RMST: variants seen among roughly 807,000 people sequenced by gnomAD.
The protein encoded by RMST is rhabdomyosarcoma 2 associated transcript, also known as long intergenic non-protein coding RNA 54.
At chr12:97,530,719 C>T (rs1881547415) in exon 11 of RMST, 1 of 152,082 alleles carries the variant, frequency 6.6e-6, no homozygotes, top group Non-Finnish European at 1.5e-5. Flanking sequence ...ACTACATCTG[C>T]AAAGTTTAAT....
intron 11 of RMST, among the ~76,000 whole-genome samples, chr12:97,558,237 G>C (rs1883846237): frequency 6.6e-6 from 1 of 152,158 alleles, no homozygotes; most frequent in Non-Finnish European, 1.5e-5. Context: ...TCGTCATGGA[G>C]TTGCTCTTAG....
chr12:97,552,347 C>T (rs1286939619), intron 11 of RMST: 1 of 152,118 alleles, frequency 6.6e-6, no homozygotes, highest in African/African-American at 2.4e-5. Flanking sequence ...ATAAAATTAG[C>T]CAATTAACCT....
chr12:97,561,146 T>A (rs1884071810), intron 13 of RMST: 1 of 152,206 alleles, frequency 6.6e-6, no homozygotes, highest in South Asian at 2.1e-4. Flanking sequence ...AACTAAAGAG[T>A]GCTCAGAGCA....
rs190708018 is a variant in RMST, at chr12:97,512,626, G to C, written n.1340+16570G>C. 3.3e-4 allele frequency among the ~76,000 whole-genome samples: 51 copies of C among 152,338 alleles called. No individual in the cohort carries two copies. The East Asian group carries it at 7.9e-3, about 24-fold the overall frequency. ...TGATTGGTGTGTTTACAAACCTTGA[G>C]CTAGATACAGAGTGCCCATTGGTGT... On this transcript the variant is annotated intron_variant and non_coding_transcript_variant, in intron 10 of 13. Coordinates refer to ENST00000640149, the Ensembl canonical transcript of RMST.
chr12:97,554,857 A>T (rs934098069), intron 11 of RMST, among the ~76,000 whole-genome samples: 6 of 152,196 alleles, frequency 3.9e-5, no homozygotes, highest in Non-Finnish European at 8.8e-5. Context: ...TTTCCATAAG[A>T]AAATACCTTG....
In RMST at chr12:97,502,742, G is replaced by C. The variant is rs141056631; in HGVS notation, n.1340+6686G>C. ...GCCTCCCACAGTGCTGGGATTCCCAGGCATGAGCCACTGTGGGGCCTCTAT... is the reference window on the plus strand; with the variant it reads ...GCCTCCCACAGTGCTGGGATTCCCACGCATGAGCCACTGTGGGGCCTCTAT... On this transcript the variant is annotated intron_variant and non_coding_transcript_variant, in intron 10 of 13. Transcript: ENST00000640149. 9.5e-4 allele frequency among the ~76,000 whole-genome samples: 145 copies of C among 152,294 alleles called. 1 individual carries two copies. Among genetic ancestry groups the C allele is most frequent in the African/African-American group, 3.4e-3 (141 of 41,568 alleles).
At chr12:97,492,647 G>T (rs1470754843) in intron 6 of RMST, 1 of 151,984 alleles carries the variant, frequency 6.6e-6, no homozygotes, top group Non-Finnish European at 1.5e-5. Context: ...TTTTGTTTTT[G>T]TTTTTGCATT....
At chr12:97,540,965 TATAGATATA>T (rs1375407015) in intron 11 of RMST, among the ~76,000 whole-genome samples, 4 of 150,992 alleles carry the variant, frequency 2.6e-5, no homozygotes, top group African/African-American at 9.7e-5. Context: ...TAGATATAGA[TATAGATATA>T]GATATAGATA....
chr12:97,520,019 C>T (rs1336635176), intron 10 of RMST, among the ~76,000 whole-genome samples: 1 of 152,164 alleles, frequency 6.6e-6, no homozygotes, highest in Non-Finnish European at 1.5e-5. Flanking sequence ...GGAAATTTTG[C>T]ACTATCTACT....
intron 10 of RMST, among the ~76,000 whole-genome samples, chr12:97,501,270 A>T (rs1006622340): frequency 2.6e-5 from 4 of 152,334 alleles, no homozygotes; most frequent in Admixed American, 6.5e-5. Context: ...GTTAAAAGTC[A>T]TTGCCCCTAC....
At chr12:97,513,013 T>C (rs1283611413) in intron 10 of RMST, among the ~76,000 whole-genome samples, 2 of 152,206 alleles carry the variant, frequency 1.3e-5, no homozygotes, top group African/African-American at 4.8e-5. Flanking sequence ...GCCTGGGGCC[T>C]GCCGGCCGGC....
chr12:97,530,765 A>G (rs1340233213), exon 11 of RMST: 1 of 152,086 alleles, frequency 6.6e-6, no homozygotes, highest in Non-Finnish European at 1.5e-5. Context: ...GCCTTGTCAC[A>G]GAGATCACAA....
intron 5 of RMST, among the ~76,000 whole-genome samples, chr12:97,491,101 C>G (rs1876745995): frequency 6.6e-6 from 1 of 152,200 alleles, no homozygotes; most frequent in South Asian, 2.1e-4. Context: ...ACCTTTGCTT[C>G]TGCTTTCTTC....
intron 11 of RMST, among the ~76,000 whole-genome samples, chr12:97,543,273 C>T (rs937691676): frequency 6.6e-6 from 1 of 151,966 alleles, no homozygotes; most frequent in Non-Finnish European, 1.5e-5. Flanking sequence ...GCCTTTTTGT[C>T]AAAAACAGTC....
At chr12:97,471,839 T>C (rs572051032) in intron 5 of RMST, among the ~76,000 whole-genome samples, 1 of 152,192 alleles carries the variant, frequency 6.6e-6, no homozygotes, top group South Asian at 2.1e-4. Flanking sequence ...TCGCCATCAG[T>C]TGAGTTGGTT....
At chr12:97,509,580 C>T (rs1879068021) in intron 10 of RMST, among the ~76,000 whole-genome samples, 1 of 152,110 alleles carries the variant, frequency 6.6e-6, no homozygotes, top group Admixed American at 6.5e-5. Context: ...GTTCTACATT[C>T]TCTCCTTCTC....
At chr12:97,509,021 G>A (rs1371796849) in intron 10 of RMST, among the ~76,000 whole-genome samples, 2 of 152,202 alleles carry the variant, frequency 1.3e-5, no homozygotes, top group East Asian at 3.8e-4. Context: ...AGGAAACCTA[G>A]ACTCACTGGC....
chr12:97,473,428 T>C (rs750265664), intron 5 of RMST, among the ~76,000 whole-genome samples: 1 of 152,142 alleles, frequency 6.6e-6, no homozygotes, highest in Non-Finnish European at 1.5e-5. Flanking sequence ...TTATTCAACT[T>C]TGCAATAGTC....
intron 5 of RMST, among the ~76,000 whole-genome samples, chr12:97,468,413 A>G (rs1432485945): frequency 1.3e-5 from 2 of 152,046 alleles, no homozygotes; most frequent in African/African-American, 4.8e-5. Flanking sequence ...TTATGATCCT[A>G]TAATACTACA....
Sources: allele counts gnomAD v4.1 joint callset (sites outside exome capture counted in the v4.1 genomes callset), GRCh38; gene constraint gnomAD v4.1.1; transcripts MANE v1.5; gene names NCBI Gene and HGNC (gene_info 2026-07-23, HGNC 2026-07-21).